The following ASB15 variants were observed in gnomAD, a reference collection of about 807,000 sequenced individuals.
The protein encoded by ASB15 is ankyrin repeat and SOCS box containing 15.
In ASB15, 54 loss-of-function variants were observed where a neutral mutation model predicts 58.0. The ratio of observed to expected loss-of-function variants is 0.93; its 90% CI spans 0.75 to 1.17. The LOEUF (loss-of-function observed/expected upper bound fraction) is 1.17, where lower values mean the gene tolerates loss of function less well. ASB15 is among the 50% of genes most tolerant of loss of function. The pLI, the probability that ASB15 is intolerant of heterozygous loss-of-function variation, is 0.00. For missense variants in ASB15, 680 were observed against 707.4 expected, an observed-to-expected ratio of 0.96 and a Z score of 0.44; for synonymous variants, 249 against 262.4, an observed-to-expected ratio of 0.95 and a Z score of 0.50.
At chr7:123,620,914 G>A (rs4370458) in intron 7 of ASB15, among the ~76,000 whole-genome samples, 111,381 of 151,478 alleles carry the variant, frequency 0.74, 41,263 homozygotes, top group South Asian at 0.82. Context: ...AGTGTTTGCA[G>A]CAACACCTGT....
At chr7:123,612,250 T>C (rs1800509005) in intron 3 of ASB15, 1 of 152,192 alleles carries the variant, frequency 6.6e-6, no homozygotes, top group Admixed American at 6.5e-5. Context: ...TGTCTGCTAG[T>C]AATGAGTCAA....
chr7:123,586,209 G>A (rs561318260), intron 1 of ASB15, among the ~76,000 whole-genome samples: 3 of 151,790 alleles, frequency 2.0e-5, no homozygotes, highest in Admixed American at 6.6e-5. Context: ...TGTACAAGAC[G>A]TTTTATTTCT....
intron 1 of ASB15, among the ~76,000 whole-genome samples, chr7:123,602,497 C>A (rs1383107145): frequency 6.6e-5 from 10 of 152,186 alleles, no homozygotes; most frequent in African/African-American, 2.4e-4. Flanking sequence ...CTTAAATGCA[C>A]AGTTAACTTC....
chr7:123,623,521 G>A (rs374758466), intron 7 of ASB15, among the ~76,000 whole-genome samples: 3 of 152,072 alleles, frequency 2.0e-5, no homozygotes, highest in Non-Finnish European at 4.4e-5. Flanking sequence ...ACTGGGAACA[G>A]TTGGCCTATG....
intron 2 of ASB15, among the ~76,000 whole-genome samples, chr7:123,604,946 C>T (rs564209616): frequency 3.3e-5 from 5 of 152,216 alleles, no homozygotes; most frequent in Admixed American, 3.3e-4. Flanking sequence ...GCAGCTAATG[C>T]AGGCAGGTCG....
intron 4 of ASB15, among the ~76,000 whole-genome samples, chr7:123,614,889 T>C (rs543140807): frequency 6.4e-4 from 98 of 152,298 alleles, no homozygotes; most frequent in African/African-American, 2.3e-3. Context: ...TTAATATAGA[T>C]TAACAAAGGG....
At chr7:123,601,245 T>C (rs1799868094), upstream of ASB15, among the ~76,000 whole-genome samples, 1 of 152,224 alleles carries the variant, frequency 6.6e-6, no homozygotes, top group South Asian at 2.1e-4. Context: ...CCAATTTTTT[T>C]GCTTGTTTTA....
At chr7:123,585,635 T>TTGTGTG (rs35317220) in intron 1 of ASB15, among the ~76,000 whole-genome samples, 8 of 147,516 alleles carry the variant, frequency 5.4e-5, no homozygotes, top group East Asian at 2.0e-4. Flanking sequence ...TAGTTACTAT[T>TTGTGTG]TGTGTGTGTG....
At chr7:123,615,691 A>T (rs1800756077) in intron 4 of ASB15, among the ~76,000 whole-genome samples, 1 of 152,176 alleles carries the variant, frequency 6.6e-6, no homozygotes, top group Admixed American at 6.5e-5. Flanking sequence ...GGAACAGTTG[A>T]TTTAAAACTC....
At chr7:123,592,770 G>T (rs1395191495) in intron 1 of ASB15, among the ~76,000 whole-genome samples, 5 of 152,124 alleles carry the variant, frequency 3.3e-5, no homozygotes, top group Non-Finnish European at 1.5e-5. Flanking sequence ...TGTTGATTTG[G>T]GGTGGAGAGT....
chr7:123,597,661 G>A (rs567938362), upstream of ASB15, among the ~76,000 whole-genome samples: 38 of 151,812 alleles, frequency 2.5e-4, no homozygotes, highest in Non-Finnish European at 3.8e-4. Flanking sequence ...GTGAAACCCC[G>A]TATCTACTAA....
At chr7:123,634,206 C>T (rs1057121448) in intron 11 of ASB15, among the ~76,000 whole-genome samples, 51 of 152,166 alleles carry the variant, frequency 3.4e-4, no homozygotes, top group African/African-American at 1.0e-3. Flanking sequence ...CCCCAGCCAC[C>T]CCCCCGACAG....
At chr7:123,626,133 G>T (rs755732879) in intron 8 of ASB15, among the ~76,000 whole-genome samples, 3 of 151,996 alleles carry the variant, frequency 2.0e-5, no homozygotes, top group Non-Finnish European at 4.4e-5. Context: ...TTCTTCTTAG[G>T]GTCACACACA....
intron 11 of ASB15, among the ~76,000 whole-genome samples, chr7:123,634,876 G>T (rs1389609174): frequency 3.9e-5 from 6 of 152,180 alleles, no homozygotes; most frequent in Non-Finnish European, 7.3e-5. Flanking sequence ...TTGCCAAAGA[G>T]ATCAAACCCG....
At chr7:123,585,810 A>T (rs536302866) in intron 1 of ASB15, among the ~76,000 whole-genome samples, 1 of 151,950 alleles carries the variant, frequency 6.6e-6, no homozygotes, top group African/African-American at 2.4e-5. Flanking sequence ...GATTCCACAT[A>T]TAAGAGATAT....
chr7:123,611,703 A>G (rs1046463661), intron 3 of ASB15, among the ~76,000 whole-genome samples: 23 of 152,196 alleles, frequency 1.5e-4, no homozygotes, highest in African/African-American at 5.5e-4. Context: ...TGAGGTTTAG[A>G]TAAATAAGTT....
chr7:123,568,350 TA>T lies in ASB15; in HGVS notation c.-443+1275del, dbSNP rs796485040. Among the ~76,000 whole-genome samples the T allele has an allele frequency of 4.6e-3, 663 of 142,676 alleles. 2 individuals carry two copies. The highest frequency in any genetic ancestry group is 0.011 in the Middle Eastern group (3 of 280). 93.6% of individuals were successfully genotyped at this position (142,676 alleles called of 152,430 possible). A position where few individuals can be genotyped will look rare whatever the true frequency, so the allele number is the denominator to read the frequency against. On this transcript the variant is annotated intron_variant, in intron 1 of 13. Coordinates refer to the ASB15 transcript ENST00000451558. ...CAACGTGGAGAAACCCCATCTCTAC[TA>T]AAAAAAAAAAAATACAAAATTAGCC... is the stretch of plus-strand genomic sequence containing the variant.
At chr7:123,620,532 A>T (rs866909224) in intron 7 of ASB15, among the ~76,000 whole-genome samples, 2 of 16,136 alleles carry the variant, frequency 1.2e-4, no homozygotes, top group Non-Finnish European at 2.7e-4. Context: ...ATATATATAT[A>T]TATATATATA....
chr7:123,619,265 C>T (rs1321395196), intron 7 of ASB15, among the ~76,000 whole-genome samples: 1 of 148,224 alleles, frequency 6.7e-6, no homozygotes, highest in Admixed American at 6.7e-5. Context: ...ATGGACTAAT[C>T]TTCCTCCTTT....
Sources: gnomAD v4.1 joint callset for allele counts (sites outside exome capture counted in the v4.1 genomes callset) on GRCh38, gnomAD v4.1.1 for gene constraint, MANE v1.5 for transcripts, NCBI Gene and HGNC (gene_info 2026-07-23, HGNC 2026-07-21) for gene names.